MLXIP: variants seen among roughly 807,000 people sequenced by gnomAD.
MLXIP encodes MLX-interacting protein.
A neutral mutation model predicts 87.2 loss-of-function variants in MLXIP; 30 were observed. That is an observed-to-expected ratio of 0.34 (90% CI 0.26 to 0.47). MLXIP has a LOEUF of 0.47. MLXIP is among the 20% of genes least tolerant of loss of function. The probability of loss-of-function intolerance (pLI) is 1.00; values close to 1 mark genes in which losing one functional copy is unlikely to be tolerated. For synonymous variants in MLXIP, 530 were observed against 514.0 expected, an observed-to-expected ratio of 1.03 and a Z score of -0.42; for missense variants, 1,002 against 1,240.1, an observed-to-expected ratio of 0.81 and a Z score of 2.88.
intron 1 of MLXIP, among the ~76,000 whole-genome samples, chr12:122,114,277 C>T (rs937499597): frequency 1.3e-5 from 2 of 152,186 alleles, no homozygotes; most frequent in African/African-American, 2.4e-5. Flanking sequence ...TGAGCCACTG[C>T]GCCTGGCTGA....
chr12:122,134,320 G>A (rs1046213897), intron 9 of MLXIP: 3 of 340,794 alleles, frequency 8.8e-6, no homozygotes, highest in Admixed American at 4.6e-5. Flanking sequence ...TCAGCCTCCC[G>A]AGTAGTTGGG....
rs1196059419 is a variant in MLXIP, at chr12:122,093,932, TGGTGTGTGG to T, written c.413+14674_413+14682del. ...TGTGTGTTTGCGGTGTCTGGTGTGG[TGGTGTGTGG>T]GGTGTGTTGGTGTGTGTGTTGGCAT... On this transcript the variant is annotated intron_variant, in intron 1 of 16. Transcript: ENST00000319080. Among the ~76,000 whole-genome samples the T allele has an allele frequency of 3.1e-5, 4 of 127,844 alleles. No individual in the cohort carries two copies. In the South Asian group the frequency reaches 7.9e-4, roughly 25 times the overall value. 83.9% of individuals were successfully genotyped at this position (127,844 alleles called of 152,430 possible).
intron 1 of MLXIP, among the ~76,000 whole-genome samples, chr12:122,114,144 C>T (rs939870639): frequency 6.6e-6 from 1 of 152,006 alleles, no homozygotes; most frequent in African/African-American, 2.4e-5. Flanking sequence ...TGTGCTACCA[C>T]ACCCGGCTAA....
intron 15 of MLXIP, among the ~76,000 whole-genome samples, chr12:122,139,683 T>C (rs1393339417): frequency 1.3e-5 from 2 of 152,164 alleles, no homozygotes; most frequent in African/African-American, 4.8e-5. Context: ...TGTTTCTTTT[T>C]TCCCCCTGAG....
chr12:122,082,528 T>TGC (rs1952106541), intron 1 of MLXIP, among the ~76,000 whole-genome samples: 1 of 152,144 alleles, frequency 6.6e-6, no homozygotes, highest in Non-Finnish European at 1.5e-5. Context: ...AGAGGAGGGT[T>TGC]TAACGGGCTC....
intron 9 of MLXIP, chr12:122,134,419 T>C (rs10846525): frequency 0.49 from 87,054 of 177,034 alleles, 22,112 homozygotes; most frequent in Admixed American, 0.57. Flanking sequence ...CTAGCTGGAG[T>C]GCAGTGGTGT....
intron 1 of MLXIP, among the ~76,000 whole-genome samples, chr12:122,101,950 T>C (rs1952445086): frequency 6.6e-6 from 1 of 152,222 alleles, no homozygotes; most frequent in South Asian, 2.1e-4. Context: ...AATATTTGTA[T>C]ATGGTGTGAG....
chr12:122,133,086 T>C lies in MLXIP; in HGVS notation c.1093-262T>C, dbSNP rs1953009085. 1 of 408,322 alleles carries C rather than the reference T, an allele frequency of 2.4e-6. No homozygotes were observed. Among genetic ancestry groups the C allele is most frequent in the Non-Finnish European group, 4.3e-6 (1 of 230,550 alleles). The allele number at this position is 408,322 out of a possible 1,614,324, so 25.3% of individuals were successfully genotyped here. On this transcript the variant is annotated intron_variant, in intron 8 of 16. Transcript: ENST00000319080. The surrounding 1 kb of genome is among the most constrained non-coding windows in gnomAD (Gnocchi z 4.9). ...TCTGCTGGACTCCAGAAACAAGATA[T>C]TCCCAGGCTGCTAGCCAGCTGTGTG... is the stretch of plus-strand genomic sequence containing the variant.
Position 122,137,883 on chromosome 12 carries a change from A to G in MLXIP, c.2154+293A>G, listed in dbSNP as rs1261111370. Among the ~76,000 whole-genome samples the G allele has an allele frequency of 2.6e-5, 4 of 152,152 alleles. No homozygotes were observed. Among genetic ancestry groups the G allele is most frequent in the Non-Finnish European group, 5.9e-5 (4 of 68,004 alleles). On this transcript the variant is annotated intron_variant, in intron 12 of 16. Coordinates refer to ENST00000319080, the MANE Select transcript of MLXIP (RefSeq NM_014938.6). This position sits in a 1 kb window ranked among gnomAD's most constrained non-coding sequence, Gnocchi z 4.1. The stretch of plus-strand genomic sequence containing the variant: ...CAGTTGCAGGAGGGGTGTGGCCACC[A>G]CCAGAGCTGTGCTGTGGGGAGGAGG...
In MLXIP at chr12:122,135,163, G is replaced by A. The variant is rs550630775; in HGVS notation, c.1733-61G>A. 3 of 1,593,456 alleles carry A rather than the reference G, an allele frequency of 1.9e-6. No homozygotes were observed. Among genetic ancestry groups the A allele is most frequent in the African/African-American group, 1.3e-5 (1 of 74,600 alleles). ...TCTCACTGGCAGAGAGGCAGCCTCT[G>A]CAGGGTGGGCCAGGCCCTGTGGCCC... On this transcript the variant is annotated intron_variant, in intron 9 of 16. Transcript: ENST00000319080. This position sits in a 1 kb window ranked among gnomAD's most constrained non-coding sequence, Gnocchi z 5.3.
chr12:122,129,656 C>G, intron 5 of MLXIP, 27 bp downstream of exon 5: 1 of 1,565,626 alleles, frequency 6.4e-7, no homozygotes, highest in Non-Finnish European at 8.6e-7. Flanking sequence ...GCTCTGAGGA[C>G]CCCCACTTTG....
At chr12:122,099,859 C>A (rs531388831) in intron 1 of MLXIP, among the ~76,000 whole-genome samples, 1 of 152,146 alleles carries the variant, frequency 6.6e-6, no homozygotes, top group Non-Finnish European at 1.5e-5. Flanking sequence ...AGGGTGGAGG[C>A]GGCTCACATG....
chr12:122,133,738 G>A lies in MLXIP; in HGVS notation c.1483G>A (p.Asp495Asn), dbSNP rs767309891. ...CACGGCCTCTGCCACCCTCACCCACGATGCCCCCGCCACCACCTTTAGCCA... is the reference window on the plus strand; with the variant it reads ...CACGGCCTCTGCCACCCTCACCCACAATGCCCCCGCCACCACCTTTAGCCA... Reference protein sequence around the residue: ...THTASATLTHDAPATTFSQSQ... With the variant: ...THTASATLTHNAPATTFSQSQ... The change falls in exon 9 of 17, where the codon GAT (aspartate) becomes AAT (asparagine). Residue 495 changes from aspartate to asparagine, a missense_variant. Asp to Asn is a conservative substitution (Grantham distance 23). Transcript: ENST00000319080. This position sits in a 1 kb window ranked among gnomAD's most constrained non-coding sequence, Gnocchi z 4.9. 2 of 1,613,332 alleles carry A rather than the reference G, an allele frequency of 1.2e-6. No homozygotes were observed. Among genetic ancestry groups the A allele is most frequent in the East Asian group, 2.2e-5 (1 of 44,876 alleles).
intron 1 of MLXIP, among the ~76,000 whole-genome samples, chr12:122,083,969 C>T (rs546740724): frequency 5.3e-5 from 8 of 152,256 alleles, no homozygotes; most frequent in African/African-American, 1.2e-4. Context: ...GATGGTGCGC[C>T]GTTGCAGGGT....
chr12:122,118,173 G>A (rs551963584), intron 1 of MLXIP, among the ~76,000 whole-genome samples: 1 of 152,268 alleles, frequency 6.6e-6, no homozygotes, highest in South Asian at 2.1e-4. Context: ...GGATCTGCTG[G>A]ACAAAGGGAT....
rs1016481345 is a variant in MLXIP at position 122,147,068 on chromosome 12, G to A, written c.*5256G>A. 1 of 152,262 alleles carries A rather than the reference G, an allele frequency of 6.6e-6. No homozygotes were observed. Among genetic ancestry groups the A allele is most frequent in the African/African-American group, 2.4e-5 (1 of 41,440 alleles). The allele number at this position is 152,262 out of a possible 1,614,324, so 9.4% of individuals were successfully genotyped here. A position where few individuals can be genotyped will look rare whatever the true frequency, so the allele number is the denominator to read the frequency against. On this transcript the variant is annotated 3_prime_UTR_variant, in exon 17 of 17. Coordinates refer to ENST00000319080, the MANE Select transcript of MLXIP (RefSeq NM_014938.6). ...ATGTTCCGTTCCTTTTTCAGGTTCAGTTTGTTGTGTAAATGGCGGTTTTTT... is the reference window on the plus strand; with the variant it reads ...ATGTTCCGTTCCTTTTTCAGGTTCAATTTGTTGTGTAAATGGCGGTTTTTT...
At chr12:122,127,849 T>G in intron 2 of MLXIP, 34 bp from the exon 3 acceptor site, 1 of 1,594,604 alleles carries the variant, frequency 6.3e-7, no homozygotes, top group Non-Finnish European at 8.6e-7. Flanking sequence ...GGGGTCTGGA[T>G]CATGGTGCTG....
At chr12:122,140,366 G>A (rs1309019921) in intron 15 of MLXIP, among the ~76,000 whole-genome samples, 3 of 151,946 alleles carry the variant, frequency 2.0e-5, no homozygotes, top group Admixed American at 6.6e-5. Context: ...GTGCAATCTC[G>A]GCTCACTGCA....
intron 1 of MLXIP, among the ~76,000 whole-genome samples, chr12:122,103,201 ATT>A (rs1565965521): frequency 2.1e-4 from 3 of 14,214 alleles, no homozygotes; most frequent in Non-Finnish European, 4.0e-4. Context: ...GTATGTATGT[ATT>A]TATTTATTTA....
Sources: gnomAD v4.1 joint callset for allele counts (sites outside exome capture counted in the v4.1 genomes callset) on GRCh38, gnomAD v4.1.1 for gene constraint, Gnocchi (gnomAD v3.1) non-coding constraint, MANE v1.5 for transcripts, NCBI Gene and HGNC (gene_info 2026-07-23, HGNC 2026-07-21) for gene names.